CADM2: variants seen among roughly 807,000 people sequenced by gnomAD.
The protein encoded by CADM2 is immunoglobulin superfamily member 4D.
CADM2 carries 12 observed loss-of-function variants against 49.8 expected under a neutral mutation model. That is an observed-to-expected ratio of 0.24 (90% CI 0.15 to 0.39). CADM2 has a LOEUF of 0.39. Ranked by LOEUF, CADM2 falls within the 10% of genes least tolerant of loss-of-function variation. The pLI is 1.00. For missense variants in CADM2, 378 were observed against 492.3 expected, an observed-to-expected ratio of 0.77 and a Z score of 2.20; for synonymous variants, 214 against 175.4, an observed-to-expected ratio of 1.22 and a Z score of -1.74.
chr3:85,294,446 G>GT (rs2043896337), intron 1 of CADM2, among the ~76,000 whole-genome samples: 1 of 151,688 alleles, frequency 6.6e-6, no homozygotes, highest in African/African-American at 2.4e-5. Flanking sequence ...CTACTTTAAA[G>GT]TTCATATGGA....
At chr3:85,841,754 C>A (rs578071135) in intron 3 of CADM2, among the ~76,000 whole-genome samples, 89 of 152,070 alleles carry the variant, frequency 5.9e-4, no homozygotes, top group African/African-American at 2.0e-3. Context: ...TGCTATATAG[C>A]AATGAGATGC....
At chr3:85,146,958 A>G (rs1298660337) in intron 1 of CADM2, among the ~76,000 whole-genome samples, 1 of 152,052 alleles carries the variant, frequency 6.6e-6, no homozygotes, top group African/African-American at 2.4e-5. Flanking sequence ...GGAAAAAAAA[A>G]GGAAAGAACT....
At chr3:85,840,534 A>G (rs1347446274) in intron 3 of CADM2, among the ~76,000 whole-genome samples, 2 of 151,902 alleles carry the variant, frequency 1.3e-5, no homozygotes, top group Non-Finnish European at 2.9e-5. Context: ...GATTTATTTA[A>G]AACAACTAGG....
At chr3:85,306,956 T>C (rs2044226961) in intron 1 of CADM2, among the ~76,000 whole-genome samples, 1 of 151,634 alleles carries the variant, frequency 6.6e-6, no homozygotes, top group Non-Finnish European at 1.5e-5. Flanking sequence ...CAGTCAGTAT[T>C]TCTTCTCCCA....
rs138705868 is a variant in CADM2 at position 85,563,618 on chromosome 3, A to G, written c.62-162904A>G. Among the ~76,000 whole-genome samples, 1,359 of 152,244 alleles carry G rather than the reference A, an allele frequency of 8.9e-3. 21 individuals are homozygous for G. The highest frequency in any genetic ancestry group is 0.03 in the African/African-American group (1,235 of 41,556). ...AGGGCCACTAGAAGTCAATAATGGT[A>G]GTTATCATTTTCCTGAGAACTTAAA... On this transcript the variant is annotated intron_variant, in intron 1 of 9. Transcript: ENST00000383699.
At chr3:85,346,031 C>T (rs1428748040) in intron 1 of CADM2, among the ~76,000 whole-genome samples, 1 of 152,104 alleles carries the variant, frequency 6.6e-6, no homozygotes, top group Non-Finnish European at 1.5e-5. Flanking sequence ...AGAGTTTTTT[C>T]TACTGGTCTT....
At chr3:85,405,711 A>G (rs904538818) in intron 1 of CADM2, among the ~76,000 whole-genome samples, 1 of 151,864 alleles carries the variant, frequency 6.6e-6, no homozygotes, top group African/African-American at 2.4e-5. Context: ...TTTTTTTTTA[A>G]ATTTTAATTT....
intron 2 of CADM2, among the ~76,000 whole-genome samples, chr3:85,769,939 T>G (rs1237013357): frequency 6.6e-6 from 1 of 151,932 alleles, no homozygotes; most frequent in Non-Finnish European, 1.5e-5. Flanking sequence ...CAAATAAAAA[T>G]ATGTGTTCAA....
chr3:86,002,587 C>A (rs950457815), intron 8 of CADM2, among the ~76,000 whole-genome samples: 18 of 152,106 alleles, frequency 1.2e-4, no homozygotes, highest in Admixed American at 2.0e-4. Flanking sequence ...ATCAGGCTTA[C>A]CTGGGAAACT....
At chr3:85,414,620 C>T (rs1298485590) in intron 1 of CADM2, among the ~76,000 whole-genome samples, 2 of 151,988 alleles carry the variant, frequency 1.3e-5, no homozygotes, top group African/African-American at 2.4e-5. Flanking sequence ...TTTTTTTCTG[C>T]TGGCTAAGCA....
chr3:85,730,214 G>T (rs2067869866), intron 2 of CADM2, among the ~76,000 whole-genome samples: 1 of 152,118 alleles, frequency 6.6e-6, no homozygotes, highest in Non-Finnish European at 1.5e-5. Flanking sequence ...GGTCAAGGCA[G>T]GTGGATCACT....
Position 85,172,213 on chromosome 3 carries a change from T to G in CADM2, c.61+212545T>G, listed in dbSNP as rs180974394. Among the ~76,000 whole-genome samples, 233 of 152,304 alleles carry G rather than the reference T, an allele frequency of 1.5e-3. 1 individual carries two copies. Among genetic ancestry groups the G allele is most frequent in the African/African-American group, 5.5e-3 (229 of 41,578 alleles). ...GCAGTCATGGGTGAGCCCCAGTTTC[T>G]ATTCTTGGAACCACCTGATACTGCC... is the stretch of plus-strand genomic sequence containing the variant. On this transcript the variant is annotated intron_variant, in intron 1 of 9. Transcript: ENST00000383699.
chr3:85,514,454 A>G (rs2060846015), intron 1 of CADM2, among the ~76,000 whole-genome samples: 1 of 152,106 alleles, frequency 6.6e-6, no homozygotes, highest in Non-Finnish European at 1.5e-5. Flanking sequence ...TACTGGGCAG[A>G]GAATATCTTT....
chr3:86,013,020 T>A, intron 8 of CADM2: 14 of 996,550 alleles, frequency 1.4e-5, no homozygotes, highest in Non-Finnish European at 2.1e-5. Flanking sequence ...TTATCGATTA[T>A]GTGCCAAACA....
Position 85,367,098 on chromosome 3 carries a change from C to T in CADM2, c.62-359424C>T, listed in dbSNP as rs1000250981. On this transcript the variant is annotated intron_variant, in intron 1 of 9. Coordinates refer to ENST00000383699, the MANE Select transcript of CADM2 (RefSeq NM_001167675.2). ...TAAATTGATGTGTCCAATTAATTAT[C>T]GGTTTTGATATATAATATCAAAATT... 7.9e-5 allele frequency among the ~76,000 whole-genome samples: 12 copies of T among 151,838 alleles called. No individual in the cohort carries two copies. The South Asian group carries it at 1.5e-3, about 18-fold the overall frequency.
chr3:85,795,398 A>G (rs2071561021), intron 2 of CADM2, among the ~76,000 whole-genome samples: 4 of 152,176 alleles, frequency 2.6e-5, no homozygotes, highest in South Asian at 4.1e-4. Flanking sequence ...TCCCAAGGGC[A>G]TTTAGGATTA....
intron 7 of CADM2, among the ~76,000 whole-genome samples, chr3:85,946,020 C>T (rs531837456): frequency 3.7e-4 from 57 of 152,116 alleles, no homozygotes; most frequent in Non-Finnish European, 6.6e-4. Flanking sequence ...GATTGTATAT[C>T]TAGAAAACCC....
chr3:85,554,805 C>T (rs188895963), intron 1 of CADM2, among the ~76,000 whole-genome samples: 23 of 81,218 alleles, frequency 2.8e-4, no homozygotes, highest in African/African-American at 6.5e-4. Context: ...GCAATCCTCC[C>T]GAGTAGCTAG....
chr3:85,682,742 A>AT (rs1484625074), intron 1 of CADM2, among the ~76,000 whole-genome samples: 1 of 152,094 alleles, frequency 6.6e-6, no homozygotes, highest in African/African-American at 2.4e-5. Flanking sequence ...AAAGAGACAA[A>AT]TTAACATTCT....
Sources: gnomAD v4.1 joint callset for allele counts (sites outside exome capture counted in the v4.1 genomes callset) on GRCh38, gnomAD v4.1.1 for gene constraint, MANE v1.5 for transcripts, NCBI Gene and HGNC (gene_info 2026-07-23, HGNC 2026-07-21) for gene names.